The following PDE7B variants were observed in gnomAD, a reference collection of about 807,000 sequenced individuals.
PDE7B encodes phosphodiesterase 7B.
PDE7B carries 29 observed loss-of-function variants against 56.2 expected under a neutral mutation model. The observed-to-expected ratio is 0.52, with a 90% CI of 0.38 to 0.70. The LOEUF is 0.70. PDE7B is among the 30% of genes least tolerant of loss of function. The pLI, the probability that PDE7B is intolerant of heterozygous loss-of-function variation, is 0.00. For synonymous variants in PDE7B, 197 were observed against 196.9 expected, an observed-to-expected ratio of 1.00 and a Z score of 0.00; for missense variants, 490 against 565.0, an observed-to-expected ratio of 0.87 and a Z score of 1.35.
intron 2 of PDE7B, among the ~76,000 whole-genome samples, chr6:136,088,317 A>G (rs979654986): frequency 6.6e-6 from 1 of 152,174 alleles, no homozygotes; most frequent in African/African-American, 2.4e-5. Context: ...GGGGGAGTGG[A>G]GCTGTGGGAT....
At chr6:135,872,069 T>C (rs1775392835) in intron 1 of PDE7B, among the ~76,000 whole-genome samples, 3 of 152,208 alleles carry the variant, frequency 2.0e-5, no homozygotes, top group African/African-American at 7.2e-5. Flanking sequence ...TCTCATTAGC[T>C]CTTCCAATTT....
chr6:135,928,713 C>G (rs1456571036), intron 1 of PDE7B, among the ~76,000 whole-genome samples: 1 of 150,898 alleles, frequency 6.6e-6, no homozygotes, highest in African/African-American at 2.4e-5. Flanking sequence ...AACAGAAAAC[C>G]AAATACCACA....
At chr6:136,115,143 G>C (rs1394092163) in intron 3 of PDE7B, among the ~76,000 whole-genome samples, 2 of 152,152 alleles carry the variant, frequency 1.3e-5, no homozygotes, top group Non-Finnish European at 2.9e-5. Context: ...ATAAGCTACT[G>C]TATCTACAAT....
intron 1 of PDE7B, among the ~76,000 whole-genome samples, chr6:135,898,882 CAT>C (rs1395784064): frequency 6.6e-6 from 1 of 152,064 alleles, no homozygotes; most frequent in Non-Finnish European, 1.5e-5. Flanking sequence ...ATTTTTGATA[CAT>C]GTTACCAAAT....
intron 1 of PDE7B, among the ~76,000 whole-genome samples, chr6:135,906,985 C>G (rs1294677287): frequency 6.6e-6 from 1 of 152,010 alleles, no homozygotes; most frequent in Non-Finnish European, 1.5e-5. Context: ...TGCCCACCTA[C>G]CTATTCTTCC....
intron 2 of PDE7B, among the ~76,000 whole-genome samples, chr6:136,092,027 C>G (rs1777395700): frequency 6.6e-6 from 1 of 152,172 alleles, no homozygotes; most frequent in African/African-American, 2.4e-5. Flanking sequence ...GCAATTCGTA[C>G]TAAAAGAAAT....
At chr6:136,084,802 A>G (rs1009122128) in intron 2 of PDE7B, among the ~76,000 whole-genome samples, 5 of 152,170 alleles carry the variant, frequency 3.3e-5, no homozygotes, top group Admixed American at 1.3e-4. Context: ...CCCTTTAAGG[A>G]TACCTTTTTA....
At chr6:136,178,958 C>T (rs1226451486) in intron 9 of PDE7B, 39 bp from the exon 10 acceptor site, 4 of 1,610,652 alleles carry the variant, frequency 2.5e-6, no homozygotes, top group Non-Finnish European at 3.4e-6. Flanking sequence ...AAGGGATTTG[C>T]TTTGTGTGTG....
chr6:136,005,054 T>A (rs374369945), intron 2 of PDE7B, among the ~76,000 whole-genome samples: 1 of 152,124 alleles, frequency 6.6e-6, no homozygotes, highest in Non-Finnish European at 1.5e-5. Context: ...ACGCTGCATA[T>A]CTACAACTAT....
intron 1 of PDE7B, among the ~76,000 whole-genome samples, chr6:135,857,024 T>TCCTCCCTTCCTCCCTC (rs1554262315): frequency 1.6e-5 from 2 of 127,502 alleles, no homozygotes; most frequent in African/African-American, 6.8e-5. Context: ...TTACTCCTTT[T>TCCTCCCTTCCTCCCTC]CCTCCCTCCC....
chr6:136,186,191 G>A (rs964621512), intron 11 of PDE7B, among the ~76,000 whole-genome samples: 18 of 152,036 alleles, frequency 1.2e-4, no homozygotes. Context: ...GGAGGCAGGA[G>A]GATAGCTTGA....
intron 3 of PDE7B, among the ~76,000 whole-genome samples, chr6:136,120,984 A>C (rs1048027207): frequency 2.6e-5 from 4 of 152,290 alleles, no homozygotes; most frequent in South Asian, 4.1e-4. Context: ...AAGAAAAATT[A>C]TAACCTTGTG....
At chr6:135,980,421 A>G (rs554311860) in intron 2 of PDE7B, among the ~76,000 whole-genome samples, 4,614 of 152,184 alleles carry the variant, frequency 0.03, 201 homozygotes, top group African/African-American at 0.099. Flanking sequence ...CAATGGCAAC[A>G]AAAGCCAAAA....
At chr6:136,191,037 T>TTTTTTTTTTTTTTTTTTTTTTTTA (rs1471563191) in intron 12 of PDE7B, among the ~76,000 whole-genome samples, 1 of 143,168 alleles carries the variant, frequency 7.0e-6, no homozygotes, top group African/African-American at 2.9e-5. Context: ...TTTTTTTTTT[T>TTTTTTTTTTTTTTTTTTTTTTTTA]ACTTATATGT....
chr6:136,049,520 T>G (rs6921041), intron 2 of PDE7B: 76,287 of 151,906 alleles, frequency 0.5, 19,745 homozygotes, highest in African/African-American at 0.63. Flanking sequence ...TAAAGTTACA[T>G]CCTCAAAAAC....
intron 2 of PDE7B, among the ~76,000 whole-genome samples, chr6:135,991,440 T>A (rs929952413): frequency 1.2e-4 from 18 of 152,264 alleles, no homozygotes; most frequent in African/African-American, 3.8e-4. Flanking sequence ...ATAAAATTTT[T>A]AAAAAAAGAA....
At chr6:135,873,453 A>G (rs1775427658) in intron 1 of PDE7B, among the ~76,000 whole-genome samples, 1 of 152,136 alleles carries the variant, frequency 6.6e-6, no homozygotes, top group Non-Finnish European at 1.5e-5. Context: ...GTTTTTGGCT[A>G]AATTGTTTTT....
intron 1 of PDE7B, among the ~76,000 whole-genome samples, chr6:135,921,775 C>T (rs772349589): frequency 2.0e-4 from 31 of 151,884 alleles, no homozygotes; most frequent in Admixed American, 4.6e-4. Context: ...CAAATTTGGA[C>T]GAATATTATC....
intron 1 of PDE7B, among the ~76,000 whole-genome samples, chr6:135,882,938 A>G (rs1317757016): frequency 6.6e-6 from 1 of 152,226 alleles, no homozygotes; most frequent in Non-Finnish European, 1.5e-5. Flanking sequence ...TTGGTACAAA[A>G]GAGAACAAAT....
Sources: gnomAD v4.1 joint callset for allele counts (sites outside exome capture counted in the v4.1 genomes callset) on GRCh38, gnomAD v4.1.1 for gene constraint, MANE v1.5 for transcripts, NCBI Gene and HGNC (gene_info 2026-07-23, HGNC 2026-07-21) for gene names.